The following DPP6 variants were observed in gnomAD, a reference collection of about 807,000 sequenced individuals.
DPP6 encodes the protein dipeptidyl peptidase like 6, also known as A-type potassium channel modulatory protein DPP6.
DPP6 carries 69 observed loss-of-function variants against 122.6 expected under a neutral mutation model. The ratio of observed to expected loss-of-function variants is 0.56; its 90% confidence interval spans 0.46 to 0.69. The LOEUF (loss-of-function observed/expected upper bound fraction) is 0.69, where lower values mean the gene tolerates loss of function less well. DPP6 is among the 30% of genes least tolerant of loss of function. DPP6 has a pLI of 0.00. For missense variants in DPP6, 928 were observed against 1,116.9 expected (o/e 0.83, Z 2.41); for synonymous variants, 418 against 433.1 (o/e 0.97, Z 0.43).
chr7:154,135,582 CTG>C (rs1189794374), intron 1 of DPP6, among the ~76,000 whole-genome samples: 3 of 151,938 alleles, frequency 2.0e-5, no homozygotes, highest in Non-Finnish European at 4.4e-5. Flanking sequence ...TACTTCCTCT[CTG>C]TGCAATTCCT....
chr7:153,983,086 C>A (rs1796673515), intron 1 of DPP6, among the ~76,000 whole-genome samples: 1 of 152,234 alleles, frequency 6.6e-6, no homozygotes, highest in Non-Finnish European at 1.5e-5. Context: ...GCTGGGAGAT[C>A]CACTGCTGTC....
At chr7:154,712,001 A>G (rs1841219499) in intron 7 of DPP6, among the ~76,000 whole-genome samples, 1 of 151,914 alleles carries the variant, frequency 6.6e-6, no homozygotes, top group African/African-American at 2.4e-5. Context: ...AGTTGTACTA[A>G]TCTTTTAATT....
At chr7:154,264,732 C>T (rs1463631325) in intron 1 of DPP6, among the ~76,000 whole-genome samples, 55 of 111,348 alleles carry the variant, frequency 4.9e-4, no homozygotes, top group East Asian at 1.5e-3. Flanking sequence ...GTGATAGTGA[C>T]AATGGTGTTA....
At chr7:153,965,879 C>CA (rs59946005) in intron 1 of DPP6, among the ~76,000 whole-genome samples, 1 of 151,384 alleles carries the variant, frequency 6.6e-6, no homozygotes, top group Non-Finnish European at 1.5e-5. Context: ...TTGCTTTGTA[C>CA]AAAAAAAGTT....
intron 1 of DPP6, among the ~76,000 whole-genome samples, chr7:154,181,932 A>G (rs1249929532): frequency 6.6e-6 from 1 of 151,944 alleles, no homozygotes; most frequent in Non-Finnish European, 1.5e-5. Flanking sequence ...TATTTTTAGT[A>G]GAGACGGGGT....
chr7:154,093,626 C>CCAT (rs1805076570), intron 1 of DPP6: 1 of 141,304 alleles, frequency 7.1e-6, no homozygotes, highest in African/African-American at 2.9e-5. Context: ...CACACACACA[C>CCAT]ACACACCATA....
At chr7:154,061,854 T>G (rs1327028611) in intron 1 of DPP6, among the ~76,000 whole-genome samples, 1 of 106,060 alleles carries the variant, frequency 9.4e-6, no homozygotes, top group African/African-American at 3.9e-5. Flanking sequence ...TCCCCATCGC[T>G]GGGGGCGGAG....
chr7:154,278,178 A>G (rs1462725201), intron 1 of DPP6, among the ~76,000 whole-genome samples: 1 of 151,894 alleles, frequency 6.6e-6, no homozygotes. Context: ...ACAACTTACA[A>G]CTCCACAGTA....
intron 1 of DPP6, among the ~76,000 whole-genome samples, chr7:154,128,070 A>G (rs1381081907): frequency 6.7e-6 from 1 of 150,002 alleles, no homozygotes; most frequent in East Asian, 1.9e-4. Flanking sequence ...GCAGGCCCAC[A>G]TGGCCAGCAT....
At chr7:154,238,028 G>T (rs1280169890) in intron 1 of DPP6, among the ~76,000 whole-genome samples, 1 of 152,160 alleles carries the variant, frequency 6.6e-6, no homozygotes, top group Non-Finnish European at 1.5e-5. Flanking sequence ...CCTCTAAGCA[G>T]AAGGGAACAC....
At chr7:154,332,184 G>A (rs1332475974) in intron 1 of DPP6, among the ~76,000 whole-genome samples, 2 of 151,598 alleles carry the variant, frequency 1.3e-5, no homozygotes, top group African/African-American at 4.9e-5. Flanking sequence ...TGATTCTCCT[G>A]CCTCAGCTTC....
the DPP6 span, among the ~76,000 whole-genome samples, chr7:153,762,697 T>C: frequency 6.6e-6 from 1 of 152,102 alleles, no homozygotes; most frequent in Non-Finnish European, 1.5e-5. Flanking sequence ...AGGGAATCGC[T>C]TGACCCCGGG....
chr7:154,488,555 C>T (rs1269170612), intron 3 of DPP6, among the ~76,000 whole-genome samples: 2 of 151,702 alleles, frequency 1.3e-5, no homozygotes, highest in Non-Finnish European at 2.9e-5. Flanking sequence ...AGAGATAGCT[C>T]CTGCTACTCC....
At chr7:154,212,048 A>G (rs1799770898) in intron 1 of DPP6, among the ~76,000 whole-genome samples, 1 of 152,128 alleles carries the variant, frequency 6.6e-6, no homozygotes, top group Non-Finnish European at 1.5e-5. Context: ...TTCACTTTAT[A>G]CATGAGAAAG....
At chr7:154,151,537 C>T (rs1796421908) in intron 1 of DPP6, among the ~76,000 whole-genome samples, 1 of 152,268 alleles carries the variant, frequency 6.6e-6, no homozygotes, top group South Asian at 2.1e-4. Flanking sequence ...GCAGCGACGG[C>T]TCTTGGTGCT....
intron 1 of DPP6, among the ~76,000 whole-genome samples, chr7:153,973,520 C>A (rs1053237363): frequency 5.9e-5 from 9 of 152,096 alleles, no homozygotes; most frequent in Non-Finnish European, 1.5e-5. Flanking sequence ...TTATGGTAAG[C>A]TAACTCACAG....
At chr7:154,126,105 T>TG (rs1807863682) in intron 1 of DPP6, among the ~76,000 whole-genome samples, 1 of 152,214 alleles carries the variant, frequency 6.6e-6, no homozygotes. Context: ...GGGCTATTCA[T>TG]GGTGTAGGGA....
intron 1 of DPP6, among the ~76,000 whole-genome samples, chr7:154,219,207 A>C (rs1028633043): frequency 6.6e-5 from 10 of 152,222 alleles, no homozygotes; most frequent in African/African-American, 2.4e-4. Context: ...TCCCCAGGCC[A>C]AGACAATGAA....
At chr7:154,675,347 A>G (rs375955397) in intron 7 of DPP6, among the ~76,000 whole-genome samples, 6 of 152,096 alleles carry the variant, frequency 3.9e-5, no homozygotes, top group East Asian at 1.9e-4. Context: ...CTTAGAACTT[A>G]AAGTATAATA....
Sources: gnomAD v4.1 joint callset for allele counts (sites outside exome capture counted in the v4.1 genomes callset) on GRCh38, gnomAD v4.1.1 for gene constraint, MANE v1.5 for transcripts, NCBI Gene and HGNC (gene_info 2026-07-23, HGNC 2026-07-21) for gene names.